The following FAAP24 variants were observed in gnomAD, a reference collection of about 807,000 sequenced individuals.
The protein encoded by FAAP24 is Fanconi anemia core complex-associated protein 24.
FAAP24 carries 16 observed loss-of-function variants against 14.3 expected under a neutral mutation model. The observed-to-expected ratio is 1.12, with a 90% CI of 0.76 to 1.69. The LOEUF (loss-of-function observed/expected upper bound fraction) is 1.69, where lower values mean the gene tolerates loss of function less well. Ranked by LOEUF, FAAP24 falls within the 40% of genes most tolerant of loss-of-function variation. The pLI, the probability that FAAP24 is intolerant of heterozygous loss-of-function variation, is 0.00. For missense variants in FAAP24, 234 were observed against 262.7 expected, an observed-to-expected ratio of 0.89 and a Z score of 0.75; for synonymous variants, 111 against 106.2, an observed-to-expected ratio of 1.04 and a Z score of -0.28.
chr19:32,976,505 T>C lies in FAAP24; in HGVS notation c.471T>C (p.Pro157=), dbSNP rs777782734. 1.9e-6 allele frequency: 3 copies of C among 1,614,090 alleles called. No homozygotes were observed. In the Admixed American group the frequency reaches 5.0e-5, roughly 27 times the overall value. Residue 157 remains proline (P), a synonymous_variant, in exon 5 of 5, where the codon CCT becomes CCC. Transcript: ENST00000588258. ...GKKRALLLSE[P]SLLRTVQQIP... ...AACGGGCCCTGCTGCTGTCTGAGCC[T>C]TCGCTCCTTCGAACCGTGCAGCAGA...
chr19:32,974,211 T>TTTAATGATAC lies in FAAP24; in HGVS notation c.395_396insTTAATGATAC (p.Leu132PhefsTer2). On this transcript the variant is annotated stop_gained and frameshift_variant and splice_region_variant, in exon 4 of 5. Transcript: ENST00000588258. LOFTEE classifies it low-confidence loss of function (END_TRUNC). Reference sequence around the variant, plus strand: ...GAAGCATCCTGCCTCGTCATCCAGTTGGTGAGTACCGATTCCTACACCTTC... The same window carrying TTTAATGATAC: ...GAAGCATCCTGCCTCGTCATCCAGTTTTAATGATACGGTGAGTACCGATTCCTACACCTTC... The TTTAATGATAC allele has an allele frequency of 6.2e-7, 1 of 1,612,044 alleles. No individual in the cohort carries two copies. Among genetic ancestry groups the TTTAATGATAC allele is most frequent in the Non-Finnish European group, 8.5e-7 (1 of 1,179,448 alleles).
chr19:32,976,421 T>C lies in FAAP24; in HGVS notation c.397-10T>C, dbSNP rs370056489. The stretch of plus-strand genomic sequence containing the variant: ...GGCGCTCACGTGCTGTTGCTTTCAT[T>C]GTGGTTCAGGTTCAAGAGCAAACCA... On this transcript the variant is annotated splice_polypyrimidine_tract_variant and intron_variant, in intron 4 of 4. Transcript: ENST00000588258. 15 of 1,603,674 alleles carry C rather than the reference T, an allele frequency of 9.4e-6. No individual in the cohort carries two copies. In the African/African-American group the frequency reaches 1.3e-4, roughly 14 times the overall value.
In FAAP24 at chr19:32,973,111, C is replaced by T. The variant is rs187866014; in HGVS notation, c.-13-73C>T. 4.8e-3 allele frequency: 5,606 copies of T among 1,160,294 alleles called. 17 individuals are homozygous for T. Among genetic ancestry groups the T allele is most frequent in the Non-Finnish European group, 6.1e-3 (4,861 of 794,484 alleles). 71.9% of individuals were successfully genotyped at this position (1,160,294 alleles called of 1,614,324 possible). On this transcript the variant is annotated intron_variant, in intron 1 of 4. Transcript: ENST00000588258. ...CAGAGGGGATCCTGCCCCAGAGGCCCTGGCTTGGAGTGGAATGCAGGGCCG... is the reference window on the plus strand; with the variant it reads ...CAGAGGGGATCCTGCCCCAGAGGCCTTGGCTTGGAGTGGAATGCAGGGCCG...
chr19:32,976,336 C>A, intron 4 of FAAP24, 95 bp from the exon 5 acceptor site: 1 of 1,481,114 alleles, frequency 6.8e-7, no homozygotes, highest in Non-Finnish European at 9.1e-7. Context: ...CAAGCTGAGC[C>A]AAATGGAAAA....
chr19:32,972,710 C>CTTTTTTTTTTTTTTTTTTTTTTTTTTTT lies in FAAP24; in HGVS notation c.-14+368_-14+369insTTTTTTTTTTTTTTTTTTTTTTTTTTTT, dbSNP rs377681596. 1.6e-5 allele frequency among the ~76,000 whole-genome samples: 2 copies of CTTTTTTTTTTTTTTTTTTTTTTTTTTTT among 128,562 alleles called. 1 individual carries two copies. The allele number at this position is 128,562 out of a possible 152,430, so 84.3% of individuals were successfully genotyped here. On this transcript the variant is annotated intron_variant, in intron 1 of 4. Coordinates refer to ENST00000588258, the MANE Select transcript of FAAP24 (RefSeq NM_152266.5). ...ATTCAGGCCTTTGTGTTTTCTTTTTCTTTTCTTTTTTTTTTTTTTTTTTGA... is the reference window on the plus strand; with the variant it reads ...ATTCAGGCCTTTGTGTTTTCTTTTTCTTTTTTTTTTTTTTTTTTTTTTTTTTTTTTTTCTTTTTTTTTTTTTTTTTTGA...
At chr19:32,973,924 C>T in intron 3 of FAAP24, 136 bp from the exon 4 acceptor site, 1 of 821,534 alleles carries the variant, frequency 1.2e-6, no homozygotes, top group Non-Finnish European at 2.0e-6. Flanking sequence ...ATTGATTTGT[C>T]TCACCCCACC....
Position 32,976,707 on chromosome 19 carries a change from C to G in FAAP24, c.*25C>G. 2.5e-6 allele frequency: 4 copies of G among 1,609,684 alleles called. No individual in the cohort carries two copies. Among genetic ancestry groups the G allele is most frequent in the Non-Finnish European group, 3.4e-6 (4 of 1,177,366 alleles). On this transcript the variant is annotated 3_prime_UTR_variant, in exon 5 of 5. Transcript: ENST00000588258. ...AGGGCTGGCCTCAGGGCCACGGCAT[C>G]TTCTCCTGAGACCACAAACACCAGG...
chr19:32,972,370 G>A (rs1415899262), intron 1 of FAAP24, 24 bp downstream of exon 1: 17 of 402,716 alleles, frequency 4.2e-5, no homozygotes, highest in Non-Finnish European at 7.0e-5. Flanking sequence ...TGGGGTATCA[G>A]GGGCTAGGCA....
At chr19:32,975,114 C>T (rs906952337) in intron 4 of FAAP24, among the ~76,000 whole-genome samples, 9 of 148,384 alleles carry the variant, frequency 6.1e-5, no homozygotes, top group Non-Finnish European at 1.2e-4. Flanking sequence ...CCTCATGATC[C>T]GCCCACCTTG....
At chr19:32,973,982 C>T (rs1315936593) in intron 3 of FAAP24, 78 bp from the exon 4 acceptor site, 1 of 1,414,050 alleles carries the variant, frequency 7.1e-7, no homozygotes, top group Non-Finnish European at 1.0e-6. Flanking sequence ...TTGGCCAGGT[C>T]AGGCACGAAG....
intron 4 of FAAP24, among the ~76,000 whole-genome samples, chr19:32,974,705 A>G (rs753097208): frequency 3.3e-5 from 5 of 152,060 alleles, no homozygotes; most frequent in Non-Finnish European, 7.4e-5. Context: ...AATCACCTGA[A>G]CTGAGGAGGT....
intron 4 of FAAP24, among the ~76,000 whole-genome samples, chr19:32,975,920 G>A (rs530475132): frequency 2.0e-5 from 3 of 152,244 alleles, no homozygotes; most frequent in African/African-American, 7.2e-5. Context: ...CTAGAGTTGA[G>A]AGCCACATTG....
In FAAP24 at chr19:32,973,425, G is replaced by C. The variant is rs768369687; in HGVS notation, c.107-1G>C. Reference sequence around the variant, plus strand: ...ACTCATTTTCTTCTCTGTATTTTAAGGGAAAATTAAGCTCATTTTCGAGGA... The same window carrying C: ...ACTCATTTTCTTCTCTGTATTTTAACGGAAAATTAAGCTCATTTTCGAGGA... On this transcript the variant is annotated splice_acceptor_variant, in intron 2 of 4. Transcript: ENST00000588258. LOFTEE classifies it high-confidence loss of function. The C allele has an allele frequency of 6.2e-7, 1 of 1,613,780 alleles. No homozygotes were observed. Among genetic ancestry groups the C allele is most frequent in the East Asian group, 2.2e-5 (1 of 44,890 alleles).
chr19:32,974,870 G>GT (rs67649404), intron 4 of FAAP24, among the ~76,000 whole-genome samples: 1 of 149,844 alleles, frequency 6.7e-6, no homozygotes, highest in Non-Finnish European at 1.5e-5. Flanking sequence ...CCTTGTGCAA[G>GT]TTTTTTTTTT....
intron 4 of FAAP24, among the ~76,000 whole-genome samples, chr19:32,975,974 A>C (rs750490300): frequency 1.7e-4 from 26 of 152,168 alleles, no homozygotes; most frequent in Non-Finnish European, 3.1e-4. Context: ...CCTCTCTACT[A>C]TATCCCTTGC....
At chr19:32,974,019 AT>A in intron 3 of FAAP24, 40 bp from the exon 4 acceptor site, 1 of 1,608,476 alleles carries the variant, frequency 6.2e-7, no homozygotes. Context: ...CTGAAAAGCA[AT>A]TTGGTTGCAA....
chr19:32,974,209 G>C lies in FAAP24; in HGVS notation c.393G>C (p.Gln131His). 6.2e-7 allele frequency: 1 copy of C among 1,612,764 alleles called. No homozygotes were observed. ...SQMEASCLVI[Q>H]LVQEQTKEPS... is the part of the protein sequence containing the mutation. ...TGGAAGCATCCTGCCTCGTCATCCA[G>C]TTGGTGAGTACCGATTCCTACACCT... The change falls in exon 4 of 5, where the codon CAG (glutamine) becomes CAC (histidine). Residue 131 changes from glutamine (Q) to histidine (H), a missense_variant. Physicochemically the swap from Gln to His is conservative, Grantham distance 24 (BLOSUM62 0). Coordinates refer to ENST00000588258, the MANE Select transcript of FAAP24 (RefSeq NM_152266.5).
Position 32,973,515 on chromosome 19 carries a change from T to C in FAAP24, c.196T>C (p.Leu66=), listed in dbSNP as rs772040654. 1.2e-5 allele frequency: 19 copies of C among 1,614,074 alleles called. No individual in the cohort carries two copies. In the South Asian group the frequency reaches 1.3e-4, roughly 11 times the overall value. ...CATTCTTTATGTCACCGAAGCTGAT[T>C]TGGTGGCAGGAAATGGCTACAGAAA... ...CCILYVTEAD[L]VAGNGYRKRL... is the part of the protein sequence containing the mutation. Residue 66 remains leucine (L), a synonymous_variant, in exon 3 of 5, where the codon TTG becomes CTG. Transcript: ENST00000588258.
chr19:32,977,691 G>C lies in FAAP24; in HGVS notation c.*1009G>C, dbSNP rs113031912. On this transcript the variant is annotated 3_prime_UTR_variant, in exon 5 of 5. Coordinates refer to ENST00000588258, the MANE Select transcript of FAAP24 (RefSeq NM_152266.5). ...ATCCCAGCACTTTGGGAGGCCAAGG[G>C]GGGTGAATCACAAGGTCAGGAGATC... is the stretch of plus-strand genomic sequence containing the variant. 4.1e-3 allele frequency: 1,398 copies of C among 342,286 alleles called. 21 individuals carry two copies. The highest frequency in any genetic ancestry group is 0.026 in the African/African-American group (1,209 of 46,898). The allele number at this position is 342,286 out of a possible 1,614,324, so 21.2% of individuals were successfully genotyped here. A position where few individuals can be genotyped will look rare whatever the true frequency, so the allele number is the denominator to read the frequency against.
Sources: allele counts gnomAD v4.1 joint callset (sites outside exome capture counted in the v4.1 genomes callset), GRCh38; gene constraint gnomAD v4.1.1; transcripts MANE v1.5; gene names NCBI Gene and HGNC (gene_info 2026-07-23, HGNC 2026-07-21).